Variants in GRID2 observed in about 807,000 individuals in gnomAD.
GRID2 encodes the protein glutamate ionotropic receptor delta type subunit 2.
Under a neutral mutation model 114.8 loss-of-function variants are expected in GRID2, and 33 were observed. That is an observed-to-expected ratio of 0.29 (90% CI 0.22 to 0.38). GRID2 has a LOEUF of 0.38. Among genes scored for constraint, GRID2 ranks in the 10% least tolerant of loss-of-function variants. The pLI is 1.00. For synonymous variants in GRID2, 505 were observed against 449.9 expected (o/e 1.12, Z -1.55); for missense variants, 1,184 against 1,257.7 (o/e 0.94, Z 0.89).
At chr4:93,281,807 T>A in intron 8 of GRID2, among the ~76,000 whole-genome samples, 1 of 152,044 alleles carries the variant, frequency 6.6e-6, no homozygotes, top group East Asian at 1.9e-4. Flanking sequence ...GTAAATCTTT[T>A]TCCTATAGAT....
intron 10 of GRID2, among the ~76,000 whole-genome samples, chr4:93,454,443 C>G (rs1229544318): frequency 6.6e-6 from 1 of 151,976 alleles, no homozygotes; most frequent in Non-Finnish European, 1.5e-5. Context: ...TTAGTTTCTC[C>G]ACTTACGAAA....
rs938557461 is a variant in GRID2, at chr4:93,772,576, A to G, written c.*78A>G. 1 of 1,012,436 alleles carries G rather than the reference A, an allele frequency of 9.9e-7. No homozygotes were observed. The highest frequency in any genetic ancestry group is 1.6e-5 in the African/African-American group (1 of 61,950). 62.7% of individuals were successfully genotyped at this position (1,012,436 alleles called of 1,614,324 possible). ...GCAACTGTAATATTGTGGGACTAAC[A>G]TGGATGTAACGTTTAAAAAAAAGAT... On this transcript the variant is annotated 3_prime_UTR_variant, in exon 16 of 16. Coordinates refer to ENST00000282020, the MANE Select transcript of GRID2 (RefSeq NM_001510.4).
intron 2 of GRID2, among the ~76,000 whole-genome samples, chr4:92,874,786 T>A (rs1745506746): frequency 6.6e-6 from 1 of 152,328 alleles, no homozygotes; most frequent in African/African-American, 2.4e-5. Flanking sequence ...AAAATTGTTG[T>A]CAATTAAGTT....
At chr4:92,508,763 A>G (rs577077977) in intron 1 of GRID2, among the ~76,000 whole-genome samples, 5 of 151,992 alleles carry the variant, frequency 3.3e-5, no homozygotes, top group African/African-American at 1.2e-4. Flanking sequence ...GGAGATCTTG[A>G]GCAGGGAATG....
At chr4:92,514,466 T>G (rs751133184) in intron 1 of GRID2, among the ~76,000 whole-genome samples, 3 of 151,912 alleles carry the variant, frequency 2.0e-5, no homozygotes, top group Non-Finnish European at 4.4e-5. Context: ...ACATTTCATT[T>G]TCAACTAAAT....
At chr4:93,258,244 A>G (rs1749842391) in intron 8 of GRID2, among the ~76,000 whole-genome samples, 1 of 151,604 alleles carries the variant, frequency 6.6e-6, no homozygotes, top group African/African-American at 2.4e-5. Context: ...ACAAAAATAA[A>G]TTGGATGGAA....
At chr4:92,689,499 A>C (rs902105247) in intron 2 of GRID2, among the ~76,000 whole-genome samples, 3 of 152,218 alleles carry the variant, frequency 2.0e-5, no homozygotes, top group Non-Finnish European at 4.4e-5. Context: ...AAGCATTACC[A>C]TCTGAGCCCA....
intron 2 of GRID2, among the ~76,000 whole-genome samples, chr4:92,758,078 T>A (rs1737819043): frequency 6.6e-6 from 1 of 152,074 alleles, no homozygotes; most frequent in Non-Finnish European, 1.5e-5. Context: ...GGACACTTAC[T>A]AATTTCAATA....
At chr4:92,501,888 C>A (rs564143564) in intron 1 of GRID2, among the ~76,000 whole-genome samples, 9 of 152,228 alleles carry the variant, frequency 5.9e-5, no homozygotes, top group Admixed American at 5.9e-4. Flanking sequence ...CATCAGATGA[C>A]ATATGAAACA....
chr4:93,548,047 C>T (rs981083571), intron 13 of GRID2, among the ~76,000 whole-genome samples: 10 of 151,784 alleles, frequency 6.6e-5, no homozygotes, highest in Admixed American at 4.6e-4. Context: ...CACGGTGGTG[C>T]GCACCTGTAA....
At chr4:93,740,505 C>T (rs906457920) in intron 14 of GRID2, among the ~76,000 whole-genome samples, 3 of 152,198 alleles carry the variant, frequency 2.0e-5, no homozygotes, top group African/African-American at 7.2e-5. Flanking sequence ...TTGTCTCAAT[C>T]ACTTACGTTA....
chr4:93,620,370 T>C (rs1474788945), intron 13 of GRID2, among the ~76,000 whole-genome samples: 1 of 152,204 alleles, frequency 6.6e-6, no homozygotes, highest in Non-Finnish European at 1.5e-5. Context: ...AGAAATTTAC[T>C]AAATTAAAGA....
intron 2 of GRID2, among the ~76,000 whole-genome samples, chr4:92,868,276 T>C (rs1745047087): frequency 6.6e-6 from 1 of 152,040 alleles, no homozygotes; most frequent in Admixed American, 6.6e-5. Flanking sequence ...GGGGCTTAGC[T>C]ACACAGAATT....
At chr4:92,539,048 A>G (rs576228758) in intron 1 of GRID2, among the ~76,000 whole-genome samples, 1 of 145,334 alleles carries the variant, frequency 6.9e-6, no homozygotes, top group Non-Finnish European at 1.5e-5. Flanking sequence ...TCTCAAAAAA[A>G]AAAAAAAAAA....
intron 13 of GRID2, among the ~76,000 whole-genome samples, chr4:93,566,161 T>C (rs140311640): frequency 1.6e-3 from 242 of 152,226 alleles, no homozygotes; most frequent in Non-Finnish European, 2.5e-3. Context: ...GAAAAGCAAA[T>C]TGTGACACTA....
chr4:93,535,455 T>G (rs1384218806), intron 13 of GRID2, among the ~76,000 whole-genome samples: 1 of 152,048 alleles, frequency 6.6e-6, no homozygotes, highest in Admixed American at 6.6e-5. Flanking sequence ...CATTTTTAAT[T>G]TTTCATGGAA....
chr4:92,502,380 T>G (rs1476029084), intron 1 of GRID2, among the ~76,000 whole-genome samples: 1 of 151,812 alleles, frequency 6.6e-6, no homozygotes, highest in Non-Finnish European at 1.5e-5. Flanking sequence ...GAACTGCAGA[T>G]GATTTCAACT....
At chr4:92,904,383 C>A (rs995615943) in intron 2 of GRID2, among the ~76,000 whole-genome samples, 3 of 150,292 alleles carry the variant, frequency 2.0e-5, no homozygotes, top group Non-Finnish European at 3.0e-5. Context: ...TAAATATTAT[C>A]TTGATATTTA....
intron 2 of GRID2, chr4:92,884,665 T>C (rs1003429060): frequency 9.0e-5 from 16 of 177,234 alleles, no homozygotes; most frequent in African/African-American, 3.4e-4. Flanking sequence ...GGGAGGCCTA[T>C]TGAACATTGA....
Sources: gnomAD v4.1 joint callset for allele counts (sites outside exome capture counted in the v4.1 genomes callset) on GRCh38, gnomAD v4.1.1 for gene constraint, MANE v1.5 for transcripts, NCBI Gene and HGNC (gene_info 2026-07-23, HGNC 2026-07-21) for gene names.